KCNN2: variants seen among roughly 807,000 people sequenced by gnomAD.
KCNN2 encodes potassium calcium-activated channel subfamily N member 2.
In KCNN2, 24 loss-of-function variants were observed where a neutral mutation model predicts 55.5. The ratio of observed to expected loss-of-function variants is 0.43; its 90% CI spans 0.31 to 0.61. The LOEUF (loss-of-function observed/expected upper bound fraction) is 0.61. Among genes scored for constraint, KCNN2 ranks in the 20% least tolerant of loss-of-function variants. The pLI, the probability that KCNN2 is intolerant of heterozygous loss-of-function variation, is 0.08. For missense variants in KCNN2, 754 were observed against 853.6 expected (o/e 0.88, Z 1.45); for synonymous variants, 431 against 336.1 (o/e 1.28, Z -3.09).
intron 3 of KCNN2, among the ~76,000 whole-genome samples, chr5:114,427,069 C>T (rs1186785812): frequency 6.6e-6 from 1 of 152,086 alleles, no homozygotes; most frequent in South Asian, 2.1e-4. Flanking sequence ...CACCAGCCAC[C>T]CACCTGCACC....
chr5:114,163,453 G>A (rs1031499222), intron 1 of KCNN2, among the ~76,000 whole-genome samples: 1 of 152,046 alleles, frequency 6.6e-6, no homozygotes, highest in Non-Finnish European at 1.5e-5. Context: ...TTAATTTGAG[G>A]TATATTCCTT....
At chr5:114,494,660 T>C (rs1178701445) in intron 7 of KCNN2, among the ~76,000 whole-genome samples, 1 of 152,100 alleles carries the variant, frequency 6.6e-6, no homozygotes, top group East Asian at 1.9e-4. Flanking sequence ...ACTTCAAGAG[T>C]ACCACTGTGA....
intron 1 of KCNN2, among the ~76,000 whole-genome samples, chr5:114,193,307 C>T (rs939992093): frequency 6.6e-6 from 1 of 152,044 alleles, no homozygotes; most frequent in African/African-American, 2.4e-5. Flanking sequence ...ATGTTGTGCT[C>T]TAACATGAAT....
At chr5:114,442,485 T>A (rs554238141) in intron 3 of KCNN2, among the ~76,000 whole-genome samples, 1 of 152,152 alleles carries the variant, frequency 6.6e-6, no homozygotes, top group Non-Finnish European at 1.5e-5. Flanking sequence ...GGCAAGTCCC[T>A]TCACCAGGCT....
intron 1 of KCNN2, among the ~76,000 whole-genome samples, chr5:114,130,037 C>G (rs1752038894): frequency 1.3e-5 from 2 of 152,178 alleles, no homozygotes; most frequent in South Asian, 2.1e-4. Flanking sequence ...TTGGCTATTG[C>G]TTTAAGACAT....
chr5:114,147,857 C>T (rs1752431016), intron 1 of KCNN2, among the ~76,000 whole-genome samples: 2 of 152,108 alleles, frequency 1.3e-5, no homozygotes, highest in African/African-American at 4.8e-5. Flanking sequence ...TTCCTAAGTA[C>T]AGAAAAGGAG....
At chr5:114,104,803 A>G (rs1751446605) in intron 1 of KCNN2, among the ~76,000 whole-genome samples, 1 of 151,952 alleles carries the variant, frequency 6.6e-6, no homozygotes, top group Non-Finnish European at 1.5e-5. Flanking sequence ...TGAATGAAAA[A>G]GGCAGGCTCG....
chr5:114,171,129 T>G (rs1316013981), intron 1 of KCNN2, among the ~76,000 whole-genome samples: 1 of 152,042 alleles, frequency 6.6e-6, no homozygotes, highest in Admixed American at 6.6e-5. Context: ...TTTTTAAAAT[T>G]TAATATTCTT....
At chr5:114,406,418 C>T (rs1758935804) in intron 3 of KCNN2, among the ~76,000 whole-genome samples, 2 of 151,676 alleles carry the variant, frequency 1.3e-5, no homozygotes, top group Non-Finnish European at 2.9e-5. Flanking sequence ...CCCTATCTCC[C>T]AGTAAGATAT....
At chr5:114,265,752 C>A (rs1379521211) in intron 2 of KCNN2, among the ~76,000 whole-genome samples, 1 of 152,198 alleles carries the variant, frequency 6.6e-6, no homozygotes, top group Non-Finnish European at 1.5e-5. Context: ...TGTCTGGGCA[C>A]CCCATGACCC....
At position 114,432,831 on chromosome 5, in the gene KCNN2, G is replaced by A. The variant is rs546729348; in HGVS notation, c.1637+27975G>A. Among the ~76,000 whole-genome samples the A allele has an allele frequency of 2.6e-5, 4 of 152,306 alleles. No homozygotes were observed. The East Asian group carries it at 7.7e-4, about 29-fold the overall frequency. On this transcript the variant is annotated intron_variant, in intron 3 of 7. Transcript: ENST00000673685. ...TGAGGGGCTTAGCACCTGGGCCAGC[G>A]GCTGCGGTGGTTGTACTGGGTCCCC...
intron 1 of KCNN2, among the ~76,000 whole-genome samples, chr5:114,178,801 C>T (rs148057049): frequency 7.9e-5 from 12 of 152,292 alleles, no homozygotes; most frequent in African/African-American, 2.6e-4. Context: ...GAGGCCGGAT[C>T]ATGTGAATGT....
At chr5:114,399,621 A>C (rs1758721742) in intron 2 of KCNN2, among the ~76,000 whole-genome samples, 1 of 152,048 alleles carries the variant, frequency 6.6e-6, no homozygotes, top group Admixed American at 6.6e-5. Flanking sequence ...CTGGAATGTG[A>C]TAGGGAGAAG....
At chr5:114,093,315 C>T (rs1349578448) in intron 1 of KCNN2, among the ~76,000 whole-genome samples, 1 of 152,156 alleles carries the variant, frequency 6.6e-6, no homozygotes, top group Non-Finnish European at 1.5e-5. Flanking sequence ...CATTGTCCAT[C>T]TCACTATCAG....
chr5:114,075,063 G>A (rs982612977), intron 1 of KCNN2, among the ~76,000 whole-genome samples: 2 of 152,168 alleles, frequency 1.3e-5, no homozygotes, highest in African/African-American at 4.8e-5. Flanking sequence ...CTATGCCCAG[G>A]AGCCAGTTAA....
At chr5:114,494,104 A>T (rs1001318665) in intron 7 of KCNN2, among the ~76,000 whole-genome samples, 2 of 151,966 alleles carry the variant, frequency 1.3e-5, no homozygotes, top group Non-Finnish European at 2.9e-5. Flanking sequence ...CCCACATAAA[A>T]CCCATTCTTA....
chr5:114,397,391 T>G (rs1251097392), intron 2 of KCNN2, among the ~76,000 whole-genome samples: 1 of 152,120 alleles, frequency 6.6e-6, no homozygotes, highest in East Asian at 1.9e-4. Flanking sequence ...ATCTGTTAGT[T>G]TTTTATTTTT....
chr5:114,441,796 CAA>C (rs1481783503), intron 3 of KCNN2, among the ~76,000 whole-genome samples: 2 of 152,248 alleles, frequency 1.3e-5, no homozygotes, highest in African/African-American at 4.8e-5. Flanking sequence ...GTCTCTAAAA[CAA>C]GAGCTTAGTA....
At chr5:114,461,094 T>C (rs1761169049) in intron 3 of KCNN2, among the ~76,000 whole-genome samples, 1 of 152,284 alleles carries the variant, frequency 6.6e-6, no homozygotes. Flanking sequence ...CGTCCTCCCA[T>C]TGAAGCTCTG....
Sources: allele counts gnomAD v4.1 joint callset (sites outside exome capture counted in the v4.1 genomes callset), GRCh38; gene constraint gnomAD v4.1.1; transcripts MANE v1.5; gene names NCBI Gene and HGNC (gene_info 2026-07-23, HGNC 2026-07-21).